SLC35F4: variants seen among roughly 807,000 people sequenced by gnomAD.
SLC35F4 encodes solute carrier family 35 member F4, also known as chromosome 14 open reading frame 36.
In SLC35F4, 24 loss-of-function variants were observed where a neutral mutation model predicts 44.2. That is an observed-to-expected ratio of 0.54 (90% confidence interval 0.39 to 0.76). The LOEUF (loss-of-function observed/expected upper bound fraction) is 0.76, where lower values mean the gene tolerates loss of function less well. SLC35F4 is among the 30% of genes least tolerant of loss of function. The probability of loss-of-function intolerance (pLI) is 0.00; values close to 1 mark genes in which losing one functional copy is unlikely to be tolerated. For synonymous variants in SLC35F4, 238 were observed against 223.6 expected, an observed-to-expected ratio of 1.06 and a Z score of -0.57; for missense variants, 562 against 586.1, an observed-to-expected ratio of 0.96 and a Z score of 0.42.
At chr14:57,733,466 A>T (rs2076393727) in intron 1 of SLC35F4, among the ~76,000 whole-genome samples, 1 of 151,846 alleles carries the variant, frequency 6.6e-6, no homozygotes, top group African/African-American at 2.4e-5. Flanking sequence ...TCAACCAATA[A>T]ATTTAGATAT....
Position 57,700,208 on chromosome 14 carries a change from T to C in SLC35F4, c.104-106084A>G, listed in dbSNP as rs116177886. Among the ~76,000 whole-genome samples the C allele has an allele frequency of 3.4e-3, 518 of 152,332 alleles. 5 individuals carry two copies. Among genetic ancestry groups the C allele is most frequent in the African/African-American group, 0.012 (480 of 41,580 alleles). ...ATGGTATAACCTGTTGCTCCTAGCA[T>C]ACAAACCCCTACAGCATGTTACCGT... On this transcript the variant is annotated intron_variant, in intron 1 of 7. Transcript: ENST00000556826.
At chr14:57,911,775 G>T (rs1027838192) in intron 1 of SLC35F4, among the ~76,000 whole-genome samples, 3 of 151,862 alleles carry the variant, frequency 2.0e-5, no homozygotes, top group African/African-American at 7.3e-5. Flanking sequence ...TTTGATATTA[G>T]GGTAATACTG....
At chr14:57,791,626 C>A (rs2077921798) in intron 1 of SLC35F4, among the ~76,000 whole-genome samples, 1 of 152,160 alleles carries the variant, frequency 6.6e-6, no homozygotes. Context: ...AATCCCATTA[C>A]TGGGTATATA....
At chr14:57,667,024 G>A (rs1594750959) in intron 1 of SLC35F4, among the ~76,000 whole-genome samples, 1 of 151,344 alleles carries the variant, frequency 6.6e-6, no homozygotes, top group Non-Finnish European at 1.5e-5. Context: ...CGTGGGCAAA[G>A]GCATCAGGTA....
rs79055633 is a variant in SLC35F4, at chr14:57,684,234, C to A, written c.104-90110G>T. 6.4e-4 allele frequency among the ~76,000 whole-genome samples: 97 copies of A among 152,258 alleles called. 1 individual carries two copies. In the East Asian group the frequency reaches 0.018, roughly 28 times the overall value. ...TCCCAACATCCCACGCCGCTGCTGG[C>A]ACAGGCTGTTCCTCGGGCCTCTCTA... is the stretch of plus-strand genomic sequence containing the variant. On this transcript the variant is annotated intron_variant, in intron 1 of 7. Coordinates refer to ENST00000556826, the MANE Select transcript of SLC35F4 (RefSeq NM_001306087.2).
chr14:57,853,088 G>A (rs1487863222), intron 1 of SLC35F4, among the ~76,000 whole-genome samples: 1 of 152,212 alleles, frequency 6.6e-6, no homozygotes, highest in African/African-American at 2.4e-5. Flanking sequence ...AAGACCTGTT[G>A]TATTGCCCTA....
intron 1 of SLC35F4, among the ~76,000 whole-genome samples, chr14:57,728,770 T>C (rs997186230): frequency 2.0e-5 from 3 of 152,066 alleles, no homozygotes; most frequent in African/African-American, 7.2e-5. Context: ...GCCCCTTCCA[T>C]TGATTTCTTA....
chr14:57,982,706 C>CT (rs1319018964), upstream of SLC35F4, among the ~76,000 whole-genome samples: 2 of 151,892 alleles, frequency 1.3e-5, no homozygotes, highest in African/African-American at 2.4e-5. Context: ...TAAAAAAAAT[C>CT]TTTTTTCTTT....
At chr14:57,572,531 TG>T (rs1372622646) in intron 4 of SLC35F4, among the ~76,000 whole-genome samples, 1 of 151,860 alleles carries the variant, frequency 6.6e-6, no homozygotes, top group Non-Finnish European at 1.5e-5. Flanking sequence ...TTCAGGCCAA[TG>T]GGAAAAAAGA....
chr14:57,853,233 C>A (rs1886745898), intron 1 of SLC35F4, among the ~76,000 whole-genome samples: 1 of 152,120 alleles, frequency 6.6e-6, no homozygotes, highest in African/African-American at 2.4e-5. Context: ...TCTAAATAGA[C>A]ACTTGGATTT....
chr14:57,955,194 C>A (rs1215570628), intron 1 of SLC35F4, among the ~76,000 whole-genome samples: 1 of 152,162 alleles, frequency 6.6e-6, no homozygotes, highest in East Asian at 1.9e-4. Context: ...ACAAAAATCA[C>A]ATGATCATCT....
At chr14:57,951,270 T>C (rs1007018779) in intron 1 of SLC35F4, among the ~76,000 whole-genome samples, 3 of 152,066 alleles carry the variant, frequency 2.0e-5, no homozygotes, top group Admixed American at 2.0e-4. Context: ...ACTACACTTT[T>C]CCCATGGTCT....
chr14:57,793,416 C>T (rs1314216706), intron 1 of SLC35F4, among the ~76,000 whole-genome samples: 1 of 151,920 alleles, frequency 6.6e-6, no homozygotes, highest in Admixed American at 6.6e-5. Context: ...CCTTCTGAGC[C>T]TCCAATGTCC....
chr14:57,695,207 A>G (rs1463183256), intron 1 of SLC35F4, among the ~76,000 whole-genome samples: 3 of 152,248 alleles, frequency 2.0e-5, no homozygotes, highest in Non-Finnish European at 4.4e-5. Flanking sequence ...GCACAGCAAA[A>G]GAAACTATCA....
chr14:57,826,241 T>C (rs963678291), intron 1 of SLC35F4, among the ~76,000 whole-genome samples: 3 of 151,866 alleles, frequency 2.0e-5, no homozygotes, highest in African/African-American at 7.3e-5. Flanking sequence ...TACAAAAAGC[T>C]CACAAAAGCA....
chr14:57,846,155 T>G (rs965119988), intron 1 of SLC35F4, among the ~76,000 whole-genome samples: 1 of 152,110 alleles, frequency 6.6e-6, no homozygotes, highest in African/African-American at 2.4e-5. Flanking sequence ...AATCAGATAA[T>G]CTGCCTCAAC....
intron 1 of SLC35F4, among the ~76,000 whole-genome samples, chr14:57,723,639 T>C (rs2076137820): frequency 6.6e-6 from 1 of 152,256 alleles, no homozygotes; most frequent in African/African-American, 2.4e-5. Context: ...AATGCCTTTT[T>C]CTCCATTCCT....
intron 1 of SLC35F4, among the ~76,000 whole-genome samples, chr14:57,679,451 C>T (rs533340478): frequency 9.2e-5 from 14 of 151,964 alleles, no homozygotes; most frequent in African/African-American, 3.1e-4. Context: ...ACCCTAATAC[C>T]ACAATTAAAA....
At chr14:57,617,479 C>T (rs562071888) in intron 1 of SLC35F4, among the ~76,000 whole-genome samples, 9 of 152,144 alleles carry the variant, frequency 5.9e-5, no homozygotes, top group Non-Finnish European at 1.2e-4. Context: ...GCTTCCTAAT[C>T]AGAGATACCT....
Sources: gnomAD v4.1 joint callset for allele counts (sites outside exome capture counted in the v4.1 genomes callset) on GRCh38, gnomAD v4.1.1 for gene constraint, MANE v1.5 for transcripts, NCBI Gene and HGNC (gene_info 2026-07-23, HGNC 2026-07-21) for gene names.